The following RTL4 variants were observed in gnomAD, a reference collection of about 807,000 sequenced individuals.
RTL4 encodes the protein retrotransposon Gag-like protein 4.
RTL4 carries 4 observed loss-of-function variants against 5.3 expected under a neutral mutation model. The observed-to-expected ratio is 0.75, with a 90% CI of 0.37 to 1.72. The LOEUF is 1.72. Among genes scored for constraint, RTL4 ranks in the 40% most tolerant of loss-of-function variants. The pLI, the probability that RTL4 is intolerant of heterozygous loss-of-function variation, is 0.04. For synonymous variants in RTL4, 98 were observed against 87.3 expected (o/e 1.12, Z -0.68); for missense variants, 260 against 227.1 (o/e 1.14, Z -0.93).
chrX:112,246,527 G>A, the RTL4 span, among the ~76,000 whole-genome samples: 1 of 112,305 alleles, frequency 8.9e-6, no homozygotes, highest in Non-Finnish European at 1.9e-5. Context: ...CGCTGAGCCA[G>A]GCATGGGATA....
the RTL4 span, among the ~76,000 whole-genome samples, chrX:112,317,290 G>T: frequency 9.0e-6 from 1 of 111,639 alleles, no homozygotes; most frequent in Non-Finnish European, 1.9e-5. Context: ...GCAGTGAGCC[G>T]AGATGGCGCC....
chrX:112,189,630 G>A, the RTL4 span, among the ~76,000 whole-genome samples: 6 of 111,066 alleles, frequency 5.4e-5, no homozygotes, highest in South Asian at 2.3e-3. Flanking sequence ...CAGGCGTGGT[G>A]GCAGGTGCCT....
chrX:112,092,470 C>A, the RTL4 span, among the ~76,000 whole-genome samples: 3 of 111,537 alleles, frequency 2.7e-5, no homozygotes, highest in South Asian at 3.7e-4. Context: ...CAGAGACATG[C>A]AAATCTGCCT....
At chrX:112,173,224 G>A in the RTL4 span, among the ~76,000 whole-genome samples, 617 of 111,217 alleles carry the variant, frequency 5.5e-3, 18 homozygotes, top group Admixed American at 0.056. Context: ...ATAAATAAGT[G>A]CAGGGTAATA....
the RTL4 span, among the ~76,000 whole-genome samples, chrX:112,365,386 A>T: frequency 2.7e-5 from 3 of 110,954 alleles, no homozygotes; most frequent in African/African-American, 6.6e-5. Context: ...TTAAAGGTGT[A>T]AGAAGTCAAT....
the RTL4 span, among the ~76,000 whole-genome samples, chrX:112,263,860 A>G: frequency 1.8e-5 from 2 of 112,013 alleles, no homozygotes; most frequent in South Asian, 7.5e-4. Context: ...ATATGTATGT[A>G]AAATCATGAT....
the RTL4 span, among the ~76,000 whole-genome samples, chrX:112,163,545 C>G: frequency 3.6e-5 from 4 of 111,730 alleles, no homozygotes; most frequent in Non-Finnish European, 7.5e-5. Context: ...GCCTACATGT[C>G]TTTTTCTTGA....
At chrX:112,229,282 G>C in the RTL4 span, among the ~76,000 whole-genome samples, 1 of 112,068 alleles carries the variant, frequency 8.9e-6, no homozygotes, top group African/African-American at 3.2e-5. Context: ...CCTTCATTGA[G>C]TACTGACTAT....
chrX:112,217,084 A>G, the RTL4 span, among the ~76,000 whole-genome samples: 1 of 111,809 alleles, frequency 8.9e-6, no homozygotes, highest in African/African-American at 3.2e-5. Flanking sequence ...ACCATAGGTG[A>G]AAGGAGATTA....
the RTL4 span, among the ~76,000 whole-genome samples, chrX:112,423,981 A>G: frequency 1.8e-4 from 20 of 110,699 alleles, no homozygotes; most frequent in South Asian, 7.6e-4. Context: ...TGCCAGTTTC[A>G]TTTTCCAATC....
chrX:112,267,473 C>T, the RTL4 span, among the ~76,000 whole-genome samples: 1 of 111,773 alleles, frequency 8.9e-6, no homozygotes, highest in African/African-American at 3.3e-5. Flanking sequence ...ATTCCTTTTC[C>T]TCCCTCTGTC....
the RTL4 span, among the ~76,000 whole-genome samples, chrX:112,108,293 G>C: frequency 8.9e-6 from 1 of 112,022 alleles, no homozygotes; most frequent in East Asian, 2.8e-4. Flanking sequence ...TTGTGTAGCA[G>C]TTTATGCATC....
upstream of RTL4, among the ~76,000 whole-genome samples, chrX:112,454,236 C>A (rs1490109663): frequency 7.2e-5 from 8 of 111,688 alleles, no homozygotes; most frequent in Admixed American, 7.6e-4. Flanking sequence ...CTTAAAAAAA[C>A]AATCACAAAA....
the RTL4 span, among the ~76,000 whole-genome samples, chrX:112,332,698 G>T: frequency 1.0e-5 from 1 of 97,732 alleles, no homozygotes; most frequent in Admixed American, 1.1e-4. Flanking sequence ...GGGGGAGGGA[G>T]AAGGGATAGC....
At chrX:112,122,262 A>G in the RTL4 span, among the ~76,000 whole-genome samples, 1 of 111,972 alleles carries the variant, frequency 8.9e-6, no homozygotes, top group Non-Finnish European at 1.9e-5. Context: ...AAAAATAATG[A>G]GATCCTGTTA....
the RTL4 span, among the ~76,000 whole-genome samples, chrX:112,323,390 G>C: frequency 9.0e-6 from 1 of 111,612 alleles, no homozygotes; most frequent in Admixed American, 9.5e-5. Flanking sequence ...TAATAACCTT[G>C]TGTCTTTTAT....
chrX:112,344,578 G>C, the RTL4 span, among the ~76,000 whole-genome samples: 1 of 111,648 alleles, frequency 9.0e-6, no homozygotes, highest in Non-Finnish European at 1.9e-5. Context: ...CAGCAAGGGG[G>C]AAGTCTGCCC....
At chrX:112,333,362 G>T in the RTL4 span, among the ~76,000 whole-genome samples, 1 of 110,812 alleles carries the variant, frequency 9.0e-6, no homozygotes, top group Non-Finnish European at 1.9e-5. Context: ...AAATTGCTAA[G>T]AGCCTATTAG....
chrX:112,215,604 A>G, the RTL4 span, among the ~76,000 whole-genome samples: 16 of 112,195 alleles, frequency 1.4e-4, no homozygotes, highest in African/African-American at 5.2e-4. Flanking sequence ...GTTCATCCAT[A>G]TTGTAGCATG....
Sources: gnomAD v4.1 joint callset for allele counts (sites outside exome capture counted in the v4.1 genomes callset) on GRCh38, gnomAD v4.1.1 for gene constraint, MANE v1.5 for transcripts, NCBI Gene and HGNC (gene_info 2026-07-23, HGNC 2026-07-21) for gene names.